NIPAL2: variants seen among roughly 807,000 people sequenced by gnomAD.
The protein encoded by NIPAL2 is NIPA-like protein 2.
A neutral mutation model predicts 48.9 loss-of-function variants in NIPAL2; 43 were observed. The ratio of observed to expected loss-of-function variants is 0.88; its 90% CI spans 0.69 to 1.13. The LOEUF is 1.13. Ranked by LOEUF, NIPAL2 falls within the 50% of genes most tolerant of loss-of-function variation. NIPAL2 has a pLI of 0.00. For missense variants in NIPAL2, 446 were observed against 461.4 expected (o/e 0.97, Z 0.31); for synonymous variants, 167 against 174.6 (o/e 0.96, Z 0.34).
At position 98,254,153 on chromosome 8, in the gene NIPAL2, T is replaced by C. The variant is rs1320448697; in HGVS notation, c.136-66A>G. The C allele has an allele frequency of 3.0e-6, 4 of 1,313,176 alleles. No individual in the cohort carries two copies. In the African/African-American group the frequency reaches 4.4e-5, roughly 15 times the overall value. The allele number at this position is 1,313,176 out of a possible 1,614,324, so 81.3% of individuals were successfully genotyped here. A position where few individuals can be genotyped will look rare whatever the true frequency, so the allele number is the denominator to read the frequency against. ...TATTTACTGGAAGAAAAAAGACAAA[T>C]TTAGGTGTTCATTCATTTGTTCAGT... On this transcript the variant is annotated intron_variant, in intron 1 of 10. Transcript: ENST00000430223.
intron 4 of NIPAL2, among the ~76,000 whole-genome samples, chr8:98,235,133 G>C (rs1445695818): frequency 6.6e-6 from 1 of 152,102 alleles, no homozygotes; most frequent in African/African-American, 2.4e-5. Context: ...ACCAACACTG[G>C]TGTCACATTT....
In NIPAL2 at chr8:98,259,436, T is replaced by C. The variant is rs138684658; in HGVS notation, c.136-5349A>G. ...CAAAGCAGGTATTCCTGGAAAGGTA[T>C]AAACTATTACATTATTAATATCTTA... is the stretch of plus-strand genomic sequence containing the variant. On this transcript the variant is annotated intron_variant, in intron 1 of 10. Transcript: ENST00000430223. 9.4e-3 allele frequency among the ~76,000 whole-genome samples: 1,426 copies of C among 152,304 alleles called. 12 individuals carry two copies. The highest frequency in any genetic ancestry group is 0.065 in the Middle Eastern group (19 of 294).
At chr8:98,265,857 C>T (rs1486029697) in intron 1 of NIPAL2, among the ~76,000 whole-genome samples, 24 of 150,462 alleles carry the variant, frequency 1.6e-4, no homozygotes, top group Non-Finnish European at 2.4e-4. Context: ...GCATTATTCA[C>T]GATAGCAAAG....
At chr8:98,211,733 AGTGTGTGTGT>A (rs1156409051) in intron 6 of NIPAL2, among the ~76,000 whole-genome samples, 47 of 109,146 alleles carry the variant, frequency 4.3e-4, no homozygotes, top group East Asian at 2.0e-3. Flanking sequence ...AGAGAGAGAA[AGTGTGTGTGT>A]GTGTGTGTGT....
At chr8:98,286,521 T>C (rs1355344547) in intron 1 of NIPAL2, among the ~76,000 whole-genome samples, 1 of 152,076 alleles carries the variant, frequency 6.6e-6, no homozygotes, top group Non-Finnish European at 1.5e-5. Flanking sequence ...CAAGATACCT[T>C]GTTGAGGCTA....
intron 1 of NIPAL2, among the ~76,000 whole-genome samples, chr8:98,282,302 G>A (rs1006738053): frequency 2.0e-5 from 3 of 152,086 alleles, no homozygotes; most frequent in Admixed American, 6.6e-5. Context: ...ATCCGTAGGC[G>A]GTGCTAAGAC....
At chr8:98,215,737 G>T (rs1314728910) in intron 5 of NIPAL2, among the ~76,000 whole-genome samples, 1 of 152,196 alleles carries the variant, frequency 6.6e-6, no homozygotes, top group Non-Finnish European at 1.5e-5. Context: ...TATTAGGTTG[G>T]TGGGTTGGTG....
intron 1 of NIPAL2, among the ~76,000 whole-genome samples, chr8:98,275,617 G>A (rs551829258): frequency 1.4e-4 from 22 of 152,272 alleles, no homozygotes; most frequent in Middle Eastern, 3.4e-3. Context: ...ATAAATGCCC[G>A]AAAGTGTAAT....
chr8:98,221,876 C>T (rs62522249), intron 5 of NIPAL2, among the ~76,000 whole-genome samples: 11,022 of 152,220 alleles, frequency 0.072, 522 homozygotes, highest in East Asian at 0.12. Flanking sequence ...GACAGTGTGG[C>T]GATTCCTCAA....
chr8:98,286,076 T>C (rs1816139397), intron 1 of NIPAL2, among the ~76,000 whole-genome samples: 1 of 152,176 alleles, frequency 6.6e-6, no homozygotes, highest in Admixed American at 6.5e-5. Context: ...GTAGGTTTCT[T>C]ATAAAAGCAA....
chr8:98,248,818 CT>C (rs1424400030), intron 3 of NIPAL2, among the ~76,000 whole-genome samples: 1 of 152,208 alleles, frequency 6.6e-6, no homozygotes, highest in African/African-American at 2.4e-5. Context: ...TTGAGAAAGA[CT>C]TCCAGTGAGA....
At chr8:98,263,444 G>T (rs1355265428) in intron 1 of NIPAL2, among the ~76,000 whole-genome samples, 155 of 150,110 alleles carry the variant, frequency 1.0e-3, no homozygotes, top group African/African-American at 3.7e-3. Flanking sequence ...TGATAAAGGG[G>T]ATATCACCAC....
intron 1 of NIPAL2, among the ~76,000 whole-genome samples, chr8:98,280,980 A>C (rs1361822533): frequency 1.3e-5 from 2 of 151,928 alleles, no homozygotes. Context: ...TTATTTAAAA[A>C]TAGAGTTAAG....
intron 8 of NIPAL2, among the ~76,000 whole-genome samples, chr8:98,202,422 T>C (rs1013422596): frequency 6.6e-6 from 1 of 152,204 alleles, no homozygotes; most frequent in Admixed American, 6.5e-5. Flanking sequence ...TGTTGAAATG[T>C]GATCCCCAAA....
chr8:98,227,139 C>G (rs1419431606), intron 4 of NIPAL2, among the ~76,000 whole-genome samples: 2 of 152,094 alleles, frequency 1.3e-5, no homozygotes, highest in Non-Finnish European at 2.9e-5. Flanking sequence ...TGCCACTACC[C>G]TTCAGGGAAG....
Position 98,280,761 on chromosome 8 carries a change from T to TATATATATATAG in NIPAL2, c.135+13241_135+13242insCTATATATATAT. On this transcript the variant is annotated intron_variant, in intron 1 of 10. Transcript: ENST00000430223. ...CTATATATATATATATATATATATA[T>TATATATATATAG]AGAGAGAGAGAGAGAGAGAGAGAGA... is the stretch of plus-strand genomic sequence containing the variant. Among the ~76,000 whole-genome samples the TATATATATATAG allele has an allele frequency of 3.8e-3, 113 of 30,018 alleles. 1 individual carries two copies. Among genetic ancestry groups the TATATATATATAG allele is most frequent in the South Asian group, 7.5e-3 (5 of 668 alleles). 19.7% of individuals were successfully genotyped at this position (30,018 alleles called of 152,430 possible). A position where few individuals can be genotyped will look rare whatever the true frequency, so the allele number is the denominator to read the frequency against.
At chr8:98,284,441 C>T (rs956839903) in intron 1 of NIPAL2, among the ~76,000 whole-genome samples, 2 of 139,674 alleles carry the variant, frequency 1.4e-5, no homozygotes, top group Admixed American at 7.2e-5. Context: ...CACACACACA[C>T]ATACACACAC....
intron 3 of NIPAL2, among the ~76,000 whole-genome samples, chr8:98,241,609 GAAAACTGGAATAATCTAAACGTTCAGC>G: frequency 6.6e-6 from 1 of 152,180 alleles, no homozygotes; most frequent in Non-Finnish European, 1.5e-5. Context: ...TTTCATAGTG[GAAAACTGGAATAATCTAAACGTTCAGC>G]AATAATCAGT....
intron 1 of NIPAL2, among the ~76,000 whole-genome samples, chr8:98,280,614 T>C (rs781372259): frequency 2.0e-5 from 3 of 151,414 alleles, no homozygotes; most frequent in Non-Finnish European, 2.9e-5. Flanking sequence ...GGTAGGCACA[T>C]GATATCTCTC....
Sources: allele counts gnomAD v4.1 joint callset (sites outside exome capture counted in the v4.1 genomes callset), GRCh38; gene constraint gnomAD v4.1.1; transcripts MANE v1.5; gene names NCBI Gene and HGNC (gene_info 2026-07-23, HGNC 2026-07-21).